FAIM: variants seen among roughly 807,000 people sequenced by gnomAD.
FAIM encodes fas apoptotic inhibitory molecule 1.
FAIM carries 14 observed loss-of-function variants against 21.2 expected under a neutral mutation model. That is an observed-to-expected ratio of 0.66 (90% CI 0.44 to 1.03). FAIM has a LOEUF of 1.03. FAIM is among the 50% of genes least tolerant of loss of function. The probability of loss-of-function intolerance (pLI) is 0.00; values close to 1 mark genes in which losing one functional copy is unlikely to be tolerated. For missense variants in FAIM, 222 were observed against 247.1 expected (o/e 0.90, Z 0.68); for synonymous variants, 86 against 80.4 (o/e 1.07, Z -0.37).
At chr3:138,612,838 A>G (rs1299545077) in intron 1 of FAIM, among the ~76,000 whole-genome samples, 1 of 152,126 alleles carries the variant, frequency 6.6e-6, no homozygotes. Context: ...CCTTGCCAAC[A>G]CTGATTATTT....
intron 1 of FAIM, chr3:138,609,235 G>T (rs1274742304): frequency 6.6e-6 from 1 of 151,812 alleles, no homozygotes; most frequent in Admixed American, 6.6e-5. Context: ...CAAAGGTGGA[G>T]GTGCGGCGGG....
chr3:138,617,888 T>C (rs1311442642), intron 1 of FAIM, among the ~76,000 whole-genome samples: 3 of 146,844 alleles, frequency 2.0e-5, no homozygotes, highest in African/African-American at 5.0e-5. Flanking sequence ...TTAGATCATA[T>C]AGATATAGAT....
At chr3:138,609,578 ACTCT>A (rs1272715562) in intron 1 of FAIM, among the ~76,000 whole-genome samples, 1 of 4,696 alleles carries the variant, frequency 2.1e-4, no homozygotes, top group Non-Finnish European at 4.1e-4. Flanking sequence ...CTCTCTCTCG[ACTCT>A]CTCTCTCTCG....
chr3:138,623,459 G>A (rs185541027), intron 4 of FAIM, among the ~76,000 whole-genome samples: 18 of 152,250 alleles, frequency 1.2e-4, no homozygotes, highest in African/African-American at 4.3e-4. Context: ...TTGTCCTCCT[G>A]GGCTCAAGTG....
At chr3:138,629,434 A>AGC (rs2042978864) in intron 5 of FAIM, 14 of 268,316 alleles carry the variant, frequency 5.2e-5, no homozygotes, top group Non-Finnish European at 9.0e-5. Context: ...TAAAATACCT[A>AGC]AAAAGAGCCC....
intron 1 of FAIM, among the ~76,000 whole-genome samples, chr3:138,617,471 G>A (rs1378240122): frequency 8.9e-5 from 13 of 146,204 alleles, no homozygotes; most frequent in Non-Finnish European, 1.8e-4. Flanking sequence ...ATGTACTCCA[G>A]ACTGGGCAAC....
intron 1 of FAIM, among the ~76,000 whole-genome samples, chr3:138,619,269 T>A (rs924355200): frequency 6.6e-6 from 1 of 152,216 alleles, no homozygotes; most frequent in African/African-American, 2.4e-5. Context: ...CACTTTAACA[T>A]TGATGCTCCC....
intron 1 of FAIM, among the ~76,000 whole-genome samples, chr3:138,612,190 TC>T (rs1414409572): frequency 3.6e-5 from 5 of 139,822 alleles, no homozygotes; most frequent in African/African-American, 1.4e-4. Flanking sequence ...AAGCTCCGCC[TC>T]CCGGGTTCAC....
intron 2 of FAIM, 86 bp downstream of exon 2, chr3:138,619,856 G>A (rs1354727810): frequency 2.3e-6 from 3 of 1,283,846 alleles, no homozygotes; most frequent in African/African-American, 3.0e-5. Flanking sequence ...AAGATACTCT[G>A]TTAAGAATAC....
intron 4 of FAIM, among the ~76,000 whole-genome samples, chr3:138,623,335 C>G (rs369562603): frequency 2.0e-5 from 3 of 152,002 alleles, no homozygotes; most frequent in Non-Finnish European, 4.4e-5. Flanking sequence ...CAGTTTTACT[C>G]GTGTTCTCTA....
intron 5 of FAIM, among the ~76,000 whole-genome samples, chr3:138,632,318 T>A (rs2043014394): frequency 6.6e-6 from 1 of 152,060 alleles, no homozygotes; most frequent in Admixed American, 6.6e-5. Context: ...TGTTTCATAC[T>A]AGGTCTTCTA....
chr3:138,614,394 C>T (rs528357168), intron 1 of FAIM, among the ~76,000 whole-genome samples: 225 of 151,332 alleles, frequency 1.5e-3, no homozygotes, highest in Non-Finnish European at 2.4e-3. Context: ...GAATTGAGAT[C>T]GCACCACTGC....
At chr3:138,629,059 C>G (rs750926557) in intron 4 of FAIM, 48 bp from the exon 5 acceptor site, 78 of 1,415,766 alleles carry the variant, frequency 5.5e-5, no homozygotes, top group Non-Finnish European at 7.1e-5. Flanking sequence ...TTAACTTTAT[C>G]TTTAAATCAC....
intron 4 of FAIM, among the ~76,000 whole-genome samples, chr3:138,628,830 C>G (rs2042970182): frequency 6.6e-6 from 1 of 152,178 alleles, no homozygotes; most frequent in Non-Finnish European, 1.5e-5. Context: ...CATTTTGTTT[C>G]ATAAGGCTTC....
intron 1 of FAIM, chr3:138,610,944 G>A (rs2042761377): frequency 6.2e-7 from 1 of 1,610,190 alleles, no homozygotes; most frequent in Non-Finnish European, 8.5e-7. Context: ...TTCCTCTATG[G>A]CCCATTCTAT....
chr3:138,620,532 T>C (rs892719745), intron 2 of FAIM, among the ~76,000 whole-genome samples: 1 of 152,220 alleles, frequency 6.6e-6, no homozygotes. Flanking sequence ...GTCTCACTCT[T>C]TCACCCGGGC....
At chr3:138,612,355 C>T (rs556363219) in intron 1 of FAIM, among the ~76,000 whole-genome samples, 1 of 152,274 alleles carries the variant, frequency 6.6e-6, no homozygotes, top group South Asian at 2.1e-4. Flanking sequence ...CCCGCCTCGG[C>T]CTCCCAAAGT....
intron 4 of FAIM, among the ~76,000 whole-genome samples, chr3:138,624,901 C>T (rs771506675): frequency 4.6e-5 from 7 of 152,194 alleles, no homozygotes; most frequent in African/African-American, 1.7e-4. Context: ...TGCAGTGGCT[C>T]ACACCTGTAA....
At chr3:138,609,543 T>TCC (rs2042731882) in intron 1 of FAIM, among the ~76,000 whole-genome samples, 1 of 18,268 alleles carries the variant, frequency 5.5e-5, no homozygotes. Flanking sequence ...ACTCTCTCTC[T>TCC]CTCTCTCTCT....
Sources: gnomAD v4.1 joint callset for allele counts (sites outside exome capture counted in the v4.1 genomes callset) on GRCh38, gnomAD v4.1.1 for gene constraint, MANE v1.5 for transcripts, NCBI Gene and HGNC (gene_info 2026-07-23, HGNC 2026-07-21) for gene names.